DLC1: variants seen among roughly 807,000 people sequenced by gnomAD.
The protein encoded by DLC1 is rho GTPase-activating protein 7.
A neutral mutation model predicts 140.3 loss-of-function variants in DLC1; 54 were observed. The observed-to-expected ratio is 0.38, with a 90% CI of 0.31 to 0.48. The LOEUF (loss-of-function observed/expected upper bound fraction) is 0.48. Among genes scored for constraint, DLC1 ranks in the 20% least tolerant of loss-of-function variants. The probability of loss-of-function intolerance (pLI) is 0.96; values close to 1 mark genes in which losing one functional copy is unlikely to be tolerated. For synonymous variants in DLC1, 986 were observed against 728.1 expected (o/e 1.35, Z -5.70); for missense variants, 2,536 against 1,907.0 (o/e 1.33, Z -6.14).
chr8:13,577,275 A>G (rs867078085), intron 1 of DLC1, among the ~76,000 whole-genome samples: 1 of 152,198 alleles, frequency 6.6e-6, no homozygotes, highest in Non-Finnish European at 1.5e-5. Context: ...AGGGAGGTCT[A>G]TAGAGCTGCA....
chr8:13,258,184 G>A (rs183561024), intron 5 of DLC1, among the ~76,000 whole-genome samples: 1 of 152,240 alleles, frequency 6.6e-6, no homozygotes, highest in African/African-American at 2.4e-5. Context: ...CAGTCTAAGC[G>A]TCACACTCGG....
intron 2 of DLC1, among the ~76,000 whole-genome samples, chr8:13,436,421 A>G (rs1839125184): frequency 6.6e-6 from 1 of 152,216 alleles, no homozygotes; most frequent in Admixed American, 6.5e-5. Context: ...TAATCTCTGA[A>G]ATGAGAAACC....
chr8:13,517,491 A>G (rs1031639082), upstream of DLC1, among the ~76,000 whole-genome samples: 1 of 152,170 alleles, frequency 6.6e-6, no homozygotes, highest in Admixed American at 6.5e-5. Flanking sequence ...TTTATTTTTC[A>G]TTGTTGAGTT....
At chr8:13,519,029 A>G (rs1028098810), upstream of DLC1, among the ~76,000 whole-genome samples, 5 of 152,118 alleles carry the variant, frequency 3.3e-5, no homozygotes, top group African/African-American at 1.2e-4. Context: ...TCTAGGGTAC[A>G]TGTGCACAAC....
chr8:13,441,189 G>A (rs1231082932), intron 2 of DLC1, among the ~76,000 whole-genome samples: 1 of 152,138 alleles, frequency 6.6e-6, no homozygotes, highest in Non-Finnish European at 1.5e-5. Flanking sequence ...CAATAAATTA[G>A]GTATTGATGG....
chr8:13,423,944 T>TTTA (rs1838436319), intron 2 of DLC1, among the ~76,000 whole-genome samples: 1 of 152,218 alleles, frequency 6.6e-6, no homozygotes, highest in African/African-American at 2.4e-5. Flanking sequence ...ATCTCATTAT[T>TTTA]TTTAAGATTC....
chr8:13,575,125 A>T (rs1014776873), intron 1 of DLC1, among the ~76,000 whole-genome samples: 2 of 152,214 alleles, frequency 1.3e-5, no homozygotes, highest in Admixed American at 6.5e-5. Context: ...ACTGGCAGTC[A>T]ACTCAAATTA....
chr8:13,259,904 TAAA>T (rs1448058767), intron 5 of DLC1, among the ~76,000 whole-genome samples: 1 of 151,824 alleles, frequency 6.6e-6, no homozygotes, highest in Non-Finnish European at 1.5e-5. Flanking sequence ...ATTACAAACT[TAAA>T]AAAATCAGTA....
At chr8:13,185,333 A>T (rs1225246586) in intron 5 of DLC1, among the ~76,000 whole-genome samples, 1 of 142,342 alleles carries the variant, frequency 7.0e-6, no homozygotes, top group African/African-American at 2.6e-5. Context: ...TTTGAGATGG[A>T]GTCTCACTCT....
intron 5 of DLC1, among the ~76,000 whole-genome samples, chr8:13,126,819 G>T (rs544470257): frequency 6.6e-6 from 1 of 152,230 alleles, no homozygotes; most frequent in African/African-American, 2.4e-5. Flanking sequence ...CGATAGCACA[G>T]GAGAAAATAA....
At chr8:13,589,867 A>G (rs567851104) in intron 1 of DLC1, among the ~76,000 whole-genome samples, 3 of 152,016 alleles carry the variant, frequency 2.0e-5, no homozygotes, top group African/African-American at 7.2e-5. Flanking sequence ...TTCTAAAAAT[A>G]TATGTATAAA....
chr8:13,305,068 C>G, intron 5 of DLC1: 1 of 1,234,044 alleles, frequency 8.1e-7, no homozygotes, highest in East Asian at 3.4e-5. Flanking sequence ...CTTATTCTAA[C>G]ACAATGTCAT....
intron 4 of DLC1, among the ~76,000 whole-genome samples, chr8:13,393,011 C>G (rs188989090): frequency 6.6e-6 from 1 of 152,106 alleles, no homozygotes; most frequent in Non-Finnish European, 1.5e-5. Flanking sequence ...GCATATAAAC[C>G]TATTATCTAT....
chr8:13,449,513 C>G (rs147472634), intron 2 of DLC1, among the ~76,000 whole-genome samples: 1 of 152,228 alleles, frequency 6.6e-6, no homozygotes, highest in Non-Finnish European at 1.5e-5. Flanking sequence ...ATTTAGGAAC[C>G]TGACACAGGT....
intron 5 of DLC1, among the ~76,000 whole-genome samples, chr8:13,180,043 T>C (rs1246366361): frequency 6.6e-6 from 1 of 152,184 alleles, no homozygotes; most frequent in Non-Finnish European, 1.5e-5. Flanking sequence ...GACGTAAGCC[T>C]TGATCTTGTG....
intron 4 of DLC1, among the ~76,000 whole-genome samples, chr8:13,319,874 GTGCAC>G (rs1833021923): frequency 7.7e-6 from 1 of 130,038 alleles, no homozygotes; most frequent in Admixed American, 9.6e-5. Context: ...CCAGGCTGCA[GTGCAC>G]TGGTGTAATC....
intron 4 of DLC1, among the ~76,000 whole-genome samples, chr8:13,378,462 A>T (rs1042360007): frequency 6.6e-6 from 1 of 152,020 alleles, no homozygotes; most frequent in Non-Finnish European, 1.5e-5. Context: ...TTTCCCTAAA[A>T]TATCTGTATT....
intron 5 of DLC1, among the ~76,000 whole-genome samples, chr8:13,237,195 A>ATGTGTG (rs1234302531): frequency 6.8e-5 from 7 of 102,860 alleles, no homozygotes; most frequent in South Asian, 3.2e-4. Context: ...ATATATATAT[A>ATGTGTG]TATGTGTGTG....
At chr8:13,272,804 G>A (rs1158409267) in intron 5 of DLC1, among the ~76,000 whole-genome samples, 1 of 152,196 alleles carries the variant, frequency 6.6e-6, no homozygotes, top group African/African-American at 2.4e-5. Flanking sequence ...AACCCAGGAG[G>A]CAGAGCTTAA....
Sources: gnomAD v4.1 joint callset for allele counts (sites outside exome capture counted in the v4.1 genomes callset) on GRCh38, gnomAD v4.1.1 for gene constraint, MANE v1.5 for transcripts, NCBI Gene and HGNC (gene_info 2026-07-23, HGNC 2026-07-21) for gene names.